KAZN: variants seen among roughly 807,000 people sequenced by gnomAD.
The protein encoded by KAZN is kazrin.
In KAZN, 40 loss-of-function variants were observed where a neutral mutation model predicts 87.4. That is an observed-to-expected ratio of 0.46 (90% CI 0.36 to 0.60). The LOEUF (loss-of-function observed/expected upper bound fraction) is 0.60. KAZN is among the 20% of genes least tolerant of loss of function. The pLI is 0.00. For synonymous variants in KAZN, 466 were observed against 458.3 expected (o/e 1.02, Z -0.22); for missense variants, 898 against 1,073.9 (o/e 0.84, Z 2.29).
At position 13,928,489 on chromosome 1, in the gene KAZN, A is replaced by G. The variant is rs114231359; in HGVS notation, c.91+34733A>G. On this transcript the variant is annotated intron_variant, in intron 1 of 16. Coordinates refer to the KAZN transcript ENST00000636203. ...TTGCCCAAGGTCACACAACATCAGT[A>G]TGGCTTCTGAAATCATGCTTGTCAC... 3.1e-3 allele frequency among the ~76,000 whole-genome samples: 468 copies of G among 152,348 alleles called. 1 individual carries two copies. Among genetic ancestry groups the G allele is most frequent in the African/African-American group, 0.011 (449 of 41,578 alleles).
intron 1 of KAZN, among the ~76,000 whole-genome samples, chr1:14,617,440 T>C (rs1678341260): frequency 1.3e-5 from 2 of 152,154 alleles, no homozygotes; most frequent in South Asian, 2.1e-4. Context: ...TTTTGGGAAA[T>C]TGGCGTTGAT....
At chr1:14,028,209 C>CTG (rs33968799) in intron 1 of KAZN, among the ~76,000 whole-genome samples, 140,722 of 152,106 alleles carry the variant, frequency 0.93, 65,419 homozygotes, top group African/African-American at 0.97. Flanking sequence ...GTCTGGGAAA[C>CTG]TACGTAGGTG....
At position 14,239,769 on chromosome 1, in the gene KAZN, T is replaced by G. The variant is rs143906218; in HGVS notation, c.249+59177T>G. 2.6e-3 allele frequency among the ~76,000 whole-genome samples: 395 copies of G among 152,174 alleles called. 8 individuals carry two copies. The East Asian group carries it at 0.054, about 21-fold the overall frequency. The stretch of plus-strand genomic sequence containing the variant: ...ACCACCACACCCAGCAAGTTGGGGT[T>G]CTATAGATCATTCATTTTTAGACCA... On this transcript the variant is annotated intron_variant, in intron 2 of 16. Coordinates refer to the KAZN transcript ENST00000636203.
chr1:14,586,128 A>G (rs902863303), intron 2 of KAZN, among the ~76,000 whole-genome samples: 6 of 152,234 alleles, frequency 3.9e-5, no homozygotes, highest in African/African-American at 1.4e-4. Flanking sequence ...AAGTTTGATT[A>G]TTAATTTCTG....
intron 1 of KAZN, among the ~76,000 whole-genome samples, chr1:14,118,069 C>T (rs763311229): frequency 6.6e-6 from 1 of 152,124 alleles, no homozygotes; most frequent in Non-Finnish European, 1.5e-5. Flanking sequence ...CATGGGGCAG[C>T]TCTATGGTGG....
At chr1:14,435,296 C>T (rs6680283) in intron 2 of KAZN, among the ~76,000 whole-genome samples, 63,407 of 151,962 alleles carry the variant, frequency 0.42, 13,624 homozygotes, top group Middle Eastern at 0.48. Flanking sequence ...TTTGGCATTT[C>T]CACTCTGGCA....
In KAZN at chr1:14,417,385, G is replaced by T. The variant is rs1024475870; in HGVS notation, c.250-181598G>T. On this transcript the variant is annotated intron_variant, in intron 2 of 16. Transcript: ENST00000636203. ...TGAGGTTCTTCGCCATTTCTCTGGC[G>T]GCTGATTTGGAAGGAAAGATACTTA... Among the ~76,000 whole-genome samples, 5 of 152,224 alleles carry T rather than the reference G, an allele frequency of 3.3e-5. No homozygotes were observed. The East Asian group carries it at 9.7e-4, about 29-fold the overall frequency.
intron 1 of KAZN, among the ~76,000 whole-genome samples, chr1:13,904,926 A>G (rs1256049612): frequency 6.6e-6 from 1 of 151,924 alleles, no homozygotes; most frequent in Non-Finnish European, 1.5e-5. Flanking sequence ...ACTCTTTTTC[A>G]TATTTTCCAT....
chr1:14,728,617 C>T (rs958334252), intron 1 of KAZN, among the ~76,000 whole-genome samples: 2 of 152,204 alleles, frequency 1.3e-5, no homozygotes, highest in African/African-American at 4.8e-5. Context: ...GTTCCTATAA[C>T]CATCACATTA....
chr1:14,110,558 C>G (rs890806867), intron 1 of KAZN, among the ~76,000 whole-genome samples: 4 of 151,988 alleles, frequency 2.6e-5, no homozygotes, highest in African/African-American at 9.7e-5. Context: ...TATTGCATAT[C>G]TATCTATTTC....
chr1:15,062,323 G>A (rs1216099804), intron 6 of KAZN: 1 of 152,676 alleles, frequency 6.5e-6, no homozygotes, highest in African/African-American at 2.4e-5. Context: ...TTCCTATCCA[G>A]AGTGGAACTA....
intron 1 of KAZN, among the ~76,000 whole-genome samples, chr1:14,070,949 C>T (rs950497469): frequency 6.6e-6 from 1 of 152,142 alleles, no homozygotes; most frequent in African/African-American, 2.4e-5. Context: ...GAAAGCTGCC[C>T]ATGGTGTCAT....
At chr1:14,653,734 A>G (rs530051301) in intron 1 of KAZN, among the ~76,000 whole-genome samples, 63 of 152,308 alleles carry the variant, frequency 4.1e-4, no homozygotes, top group Middle Eastern at 3.4e-3. Flanking sequence ...TAGGCATTCA[A>G]TAAATATTGG....
At chr1:14,851,536 T>A (rs1294300750) in intron 1 of KAZN, among the ~76,000 whole-genome samples, 1 of 152,188 alleles carries the variant, frequency 6.6e-6, no homozygotes, top group Non-Finnish European at 1.5e-5. Flanking sequence ...GCACCCCTCA[T>A]CAGAGGCTCG....
At chr1:15,088,434 C>T (rs772006191) in intron 8 of KAZN, among the ~76,000 whole-genome samples, 31 of 152,122 alleles carry the variant, frequency 2.0e-4, no homozygotes, top group Non-Finnish European at 3.5e-4. Flanking sequence ...CACAGCCTCT[C>T]GTTCCAAAGT....
chr1:14,262,238 A>T (rs768990231), intron 2 of KAZN, among the ~76,000 whole-genome samples: 3 of 152,042 alleles, frequency 2.0e-5, no homozygotes, highest in Non-Finnish European at 4.4e-5. Flanking sequence ...ATATAACAAG[A>T]CTCTGTATCT....
intron 2 of KAZN, among the ~76,000 whole-genome samples, chr1:14,440,926 C>T (rs1347247792): frequency 3.3e-5 from 5 of 152,200 alleles, no homozygotes; most frequent in Admixed American, 3.3e-4. Context: ...TGGCAGCAAC[C>T]TTCTTCTCTC....
chr1:14,452,499 C>T (rs747089654), intron 2 of KAZN, among the ~76,000 whole-genome samples: 8 of 152,170 alleles, frequency 5.3e-5, no homozygotes, highest in South Asian at 2.1e-4. Context: ...AGGCAAAAGG[C>T]GCTCAGTCAC....
intron 2 of KAZN, among the ~76,000 whole-genome samples, chr1:14,559,182 G>C (rs180947877): frequency 2.0e-5 from 3 of 152,292 alleles, no homozygotes; most frequent in East Asian, 1.9e-4. Context: ...CTGAGCCTTG[G>C]GGGAGGGTAG....
Sources: allele counts gnomAD v4.1 joint callset (sites outside exome capture counted in the v4.1 genomes callset), GRCh38; gene constraint gnomAD v4.1.1; transcripts MANE v1.5; gene names NCBI Gene and HGNC (gene_info 2026-07-23, HGNC 2026-07-21).